The following DHX29 variants were observed in gnomAD, a reference collection of about 807,000 sequenced individuals.
DHX29 encodes the protein DExH-box helicase 29.
A neutral mutation model predicts 167.9 loss-of-function variants in DHX29; 79 were observed. The observed-to-expected ratio is 0.47, with a 90% CI of 0.39 to 0.57. The LOEUF (loss-of-function observed/expected upper bound fraction) is 0.57, where lower values mean the gene tolerates loss of function less well. Among genes scored for constraint, DHX29 ranks in the 20% least tolerant of loss-of-function variants. DHX29 has a pLI of 0.00. For missense variants in DHX29, 1,347 were observed against 1,593.4 expected, an observed-to-expected ratio of 0.85 and a Z score of 2.63; for synonymous variants, 530 against 546.0, an observed-to-expected ratio of 0.97 and a Z score of 0.41.
intron 14 of DHX29, among the ~76,000 whole-genome samples, chr5:55,275,421 T>C (rs1747059680): frequency 6.6e-6 from 1 of 152,214 alleles, no homozygotes; most frequent in Non-Finnish European, 1.5e-5. Context: ...ATTCCAATCA[T>C]CTCTTTTGAA....
chr5:55,264,224 G>C (rs954246884), intron 23 of DHX29, among the ~76,000 whole-genome samples: 3 of 152,070 alleles, frequency 2.0e-5, no homozygotes, highest in African/African-American at 7.2e-5. Flanking sequence ...TTGTGGGGGA[G>C]CCCTGCTTTT....
At chr5:55,270,234 G>T (rs1260062495) in intron 20 of DHX29, among the ~76,000 whole-genome samples, 178 bp downstream of exon 20, 1 of 152,124 alleles carries the variant, frequency 6.6e-6, no homozygotes, top group Non-Finnish European at 1.5e-5. Flanking sequence ...AAGTGTAAGT[G>T]TCTGGCAAAA....
intron 13 of DHX29, 69 bp from the exon 14 acceptor site, chr5:55,276,475 C>A: frequency 8.4e-7 from 1 of 1,191,028 alleles, no homozygotes; most frequent in Non-Finnish European, 1.2e-6. Context: ...TTAAAGAGAA[C>A]AGGGGACACC....
intron 1 of DHX29, among the ~76,000 whole-genome samples, chr5:55,306,506 TA>T (rs1251976593): frequency 2.0e-5 from 3 of 151,774 alleles, no homozygotes; most frequent in African/African-American, 7.3e-5. Flanking sequence ...GGCACTTATC[TA>T]TTATAAGGCT....
chr5:55,290,812 C>T (rs1348242600), intron 6 of DHX29, among the ~76,000 whole-genome samples: 1 of 152,074 alleles, frequency 6.6e-6, no homozygotes, highest in African/African-American at 2.4e-5. Context: ...GTCAGGAGTT[C>T]GAGACCAGCC....
intron 6 of DHX29, among the ~76,000 whole-genome samples, chr5:55,293,650 A>G (rs1177374275): frequency 1.3e-5 from 2 of 151,846 alleles, no homozygotes; most frequent in African/African-American, 4.8e-5. Flanking sequence ...GACTTAGTAT[A>G]TTTTCTGCCT....
At chr5:55,269,738 G>T in intron 20 of DHX29, 101 bp from the exon 21 acceptor site, 1 of 920,828 alleles carries the variant, frequency 1.1e-6, no homozygotes, top group Non-Finnish European at 1.7e-6. Context: ...AAAATTTTGA[G>T]CAAAGAGGGT....
At chr5:55,259,289 TA>T (rs1746197107) in intron 26 of DHX29, among the ~76,000 whole-genome samples, 2 of 152,150 alleles carry the variant, frequency 1.3e-5, no homozygotes, top group South Asian at 4.1e-4. Context: ...GAGACAGGAG[TA>T]AACTAAACCT....
chr5:55,289,655 C>A (rs1747935532), intron 7 of DHX29, among the ~76,000 whole-genome samples: 1 of 151,944 alleles, frequency 6.6e-6, no homozygotes, highest in African/African-American at 2.4e-5. Context: ...TTAATTTTCA[C>A]AACATATACA....
At position 55,270,654 on chromosome 5, in the gene DHX29, C is replaced by T; in HGVS notation, c.2917G>A (p.Ala973Thr). 1 of 1,614,118 alleles carries T rather than the reference C, an allele frequency of 6.2e-7. No homozygotes were observed. Among genetic ancestry groups the T allele is most frequent in the Non-Finnish European group, 8.5e-7 (1 of 1,179,946 alleles). The change falls in exon 19 of 27, where the codon GCC becomes ACC. Residue 973 changes from alanine to threonine, a missense_variant. By Grantham distance (58) the Ala-to-Thr change is moderately conservative. Coordinates refer to ENST00000251636, the MANE Select transcript of DHX29 (RefSeq NM_019030.4). Reference protein sequence around the residue: ...SSLVETFVSKASALQRQGRAG... With the variant: ...SSLVETFVSKTSALQRQGRAG... ...CTTCCCTGGCGCTGCAAAGCACTGGCTTTACTGACAAACGTCTCCACCAAA... is the reference window on the plus strand; with the variant it reads ...CTTCCCTGGCGCTGCAAAGCACTGGTTTTACTGACAAACGTCTCCACCAAA...
chr5:55,269,708 G>T, intron 20 of DHX29, 71 bp from the exon 21 acceptor site: 1 of 1,293,140 alleles, frequency 7.7e-7, no homozygotes, highest in South Asian at 1.3e-5. Context: ...GATGTTAGTG[G>T]AACTAAATTT....
At chr5:55,260,527 G>GGCCTGGGGTGTAACGTTTTTTAAAATA (rs70992714) in intron 25 of DHX29, among the ~76,000 whole-genome samples, 6 of 151,692 alleles carry the variant, frequency 4.0e-5, no homozygotes, top group Admixed American at 3.9e-4. Flanking sequence ...CATGGCACCC[G>GGCCTGGGGTGTAACGTTTTTTAAAATA]GCTTTATTGA....
intron 5 of DHX29, among the ~76,000 whole-genome samples, chr5:55,294,393 G>T (rs1748201333): frequency 6.6e-6 from 1 of 152,218 alleles, no homozygotes; most frequent in African/African-American, 2.4e-5. Context: ...AACTAGTGTT[G>T]GCTGGGTGCG....
intron 11 of DHX29, among the ~76,000 whole-genome samples, chr5:55,282,494 T>C: frequency 6.6e-6 from 1 of 152,098 alleles, no homozygotes; most frequent in East Asian, 1.9e-4. Flanking sequence ...ATTTGCTAAA[T>C]AGAAAACTTT....
chr5:55,262,597 C>T (rs772287334), intron 24 of DHX29, 33 bp downstream of exon 24: 2 of 1,605,360 alleles, frequency 1.2e-6, no homozygotes, highest in African/African-American at 2.7e-5. Context: ...GAATAATGCT[C>T]TGAATACTGG....
rs570421120 is a variant in DHX29, at chr5:55,256,410, G to A, written c.*78C>T. 1.4e-5 allele frequency: 18 copies of A among 1,313,962 alleles called. No individual in the cohort carries two copies. In the African/African-American group the frequency reaches 2.7e-4, roughly 20 times the overall value. 81.4% of individuals were successfully genotyped at this position (1,313,962 alleles called of 1,614,324 possible). ...CATTTTAAGTAATGAAATACTTAAT[G>A]TGATGACCCATTTTCAGATAATTTC... On this transcript the variant is annotated 3_prime_UTR_variant, in exon 27 of 27. Transcript: ENST00000251636.
chr5:55,269,243 C>CAA (rs34353606), intron 21 of DHX29, among the ~76,000 whole-genome samples, 170 bp downstream of exon 21: 14,357 of 72,366 alleles, frequency 0.2, 941 homozygotes, highest in East Asian at 0.36. Flanking sequence ...GACCCTGTCT[C>CAA]AAAAAAAAAA....
chr5:55,291,699 C>T (rs1748054416), intron 6 of DHX29, among the ~76,000 whole-genome samples: 2 of 152,180 alleles, frequency 1.3e-5, no homozygotes, highest in Admixed American at 1.3e-4. Context: ...CCCCACTAGC[C>T]CCTGGCAACC....
intron 12 of DHX29, among the ~76,000 whole-genome samples, chr5:55,277,897 C>T (rs1478593531): frequency 6.2e-5 from 8 of 129,294 alleles, no homozygotes; most frequent in African/African-American, 2.4e-4. Flanking sequence ...CAGAGTAAGA[C>T]TCTATCTCAA....
Sources: allele counts gnomAD v4.1 joint callset (sites outside exome capture counted in the v4.1 genomes callset), GRCh38; gene constraint gnomAD v4.1.1; transcripts MANE v1.5; gene names NCBI Gene and HGNC (gene_info 2026-07-23, HGNC 2026-07-21).